WWP2: variants seen among roughly 807,000 people sequenced by gnomAD.
WWP2 encodes the protein NEDD4-like E3 ubiquitin-protein ligase WWP2.
Under a neutral mutation model 121.0 loss-of-function variants are expected in WWP2, and 57 were observed. That is an observed-to-expected ratio of 0.47 (90% CI 0.38 to 0.59). The LOEUF (loss-of-function observed/expected upper bound fraction) is 0.59. WWP2 is among the 20% of genes least tolerant of loss of function. The probability of loss-of-function intolerance (pLI) is 0.00; values close to 1 mark genes in which losing one functional copy is unlikely to be tolerated. For missense variants in WWP2, 962 were observed against 1,158.9 expected, an observed-to-expected ratio of 0.83 and a Z score of 2.47; for synonymous variants, 449 against 441.3, an observed-to-expected ratio of 1.02 and a Z score of -0.22.
At chr16:69,807,691 G>C (rs974865755) in intron 4 of WWP2, among the ~76,000 whole-genome samples, 4 of 149,078 alleles carry the variant, frequency 2.7e-5, no homozygotes, top group Non-Finnish European at 5.9e-5. Flanking sequence ...AGTAGCTTAT[G>C]TCTGTAATCC....
At chr16:69,886,394 C>T (rs2057924847) in intron 7 of WWP2, among the ~76,000 whole-genome samples, 1 of 151,784 alleles carries the variant, frequency 6.6e-6, no homozygotes, top group Non-Finnish European at 1.5e-5. Flanking sequence ...CTTTGAATTG[C>T]TTTGGAGATA....
intron 4 of WWP2, among the ~76,000 whole-genome samples, chr16:69,801,087 G>A (rs980271529): frequency 4.5e-4 from 66 of 147,770 alleles, no homozygotes; most frequent in African/African-American, 1.5e-3. Context: ...TACTCAGGAC[G>A]CTGAGACAGA....
intron 7 of WWP2, 36 bp from the exon 8 acceptor site, chr16:69,888,003 T>C: frequency 3.7e-6 from 6 of 1,608,354 alleles, no homozygotes; most frequent in Non-Finnish European, 5.1e-6. Context: ...TTCTCATTCT[T>C]AGTTGATCTT....
chr16:69,841,808 C>G lies in WWP2; in HGVS notation c.479-216C>G, dbSNP rs189736746. 8.5e-3 allele frequency among the ~76,000 whole-genome samples: 1,291 copies of G among 152,220 alleles called. 13 individuals are homozygous for G. The highest frequency in any genetic ancestry group is 0.082 in the Middle Eastern group (24 of 294). On this transcript the variant is annotated intron_variant, in intron 5 of 23. Transcript: ENST00000359154. The stretch of plus-strand genomic sequence containing the variant: ...TGTCTTGGAGAAGAGAAGCTGTTTC[C>G]AAGGTTTGAGCCCCACTGCTCCATG...
intron 2 of WWP2, among the ~76,000 whole-genome samples, chr16:69,789,971 G>A (rs896753154): frequency 2.0e-5 from 3 of 152,172 alleles, no homozygotes; most frequent in Non-Finnish European, 2.9e-5. Context: ...GGCTGGGTGC[G>A]GTGGCTCACG....
At chr16:69,867,822 G>A (rs1254068189) in intron 6 of WWP2, among the ~76,000 whole-genome samples, 1 of 152,220 alleles carries the variant, frequency 6.6e-6, no homozygotes, top group Non-Finnish European at 1.5e-5. Flanking sequence ...CCTGGGGGCT[G>A]TATAACTCGT....
intron 4 of WWP2, among the ~76,000 whole-genome samples, chr16:69,800,137 G>A (rs891627762): frequency 6.6e-6 from 1 of 151,526 alleles, no homozygotes; most frequent in Non-Finnish European, 1.5e-5. Flanking sequence ...CCTTTTAAGC[G>A]ATGGGCCACT....
chr16:69,912,067 A>G (rs1374529590), intron 9 of WWP2, among the ~76,000 whole-genome samples: 1 of 152,102 alleles, frequency 6.6e-6, no homozygotes, highest in Non-Finnish European at 1.5e-5. Context: ...AGGCAGGTGG[A>G]TCATGAAGTC....
At chr16:69,921,655 G>A (rs1251912799) in intron 10 of WWP2, among the ~76,000 whole-genome samples, 2 of 152,150 alleles carry the variant, frequency 1.3e-5, no homozygotes, top group African/African-American at 2.4e-5. Flanking sequence ...TCTTTTTGCC[G>A]TCTTGTGTCG....
intron 8 of WWP2, among the ~76,000 whole-genome samples, chr16:69,894,613 ATGTC>A (rs2058080317): frequency 6.6e-6 from 1 of 152,170 alleles, no homozygotes; most frequent in Non-Finnish European, 1.5e-5. Flanking sequence ...CAGGTTGCAA[ATGTC>A]TGTGAAAGAA....
At chr16:69,882,642 C>T (rs527663554) in intron 7 of WWP2, among the ~76,000 whole-genome samples, 18 of 152,102 alleles carry the variant, frequency 1.2e-4, no homozygotes, top group East Asian at 9.7e-4. Flanking sequence ...TTCCCTGGGC[C>T]GCAGGGGTCG....
intron 9 of WWP2, among the ~76,000 whole-genome samples, chr16:69,911,760 A>G (rs1372749009): frequency 6.6e-6 from 1 of 152,242 alleles, no homozygotes; most frequent in African/African-American, 2.4e-5. Context: ...AACCCACTAA[A>G]ATAGTAATAA....
At chr16:69,811,989 G>A (rs1018479234) in intron 4 of WWP2, among the ~76,000 whole-genome samples, 4 of 151,982 alleles carry the variant, frequency 2.6e-5, no homozygotes, top group Non-Finnish European at 4.4e-5. Flanking sequence ...GAAATTTCCC[G>A]TTTTTGCAGT....
At chr16:69,861,444 T>G (rs1289181827) in intron 6 of WWP2, among the ~76,000 whole-genome samples, 1 of 152,182 alleles carries the variant, frequency 6.6e-6, no homozygotes, top group Admixed American at 6.5e-5. Flanking sequence ...AGGAAATTGT[T>G]TGTCTTCCGG....
intron 16 of WWP2, chr16:69,933,076 C>CTG (rs1225631797): frequency 6.0e-6 from 3 of 502,892 alleles, no homozygotes; most frequent in South Asian, 1.5e-5. Context: ...TGGCCGCGCC[C>CTG]TGTGTGTGTC....
chr16:69,776,538 A>C (rs1003357810), intron 1 of WWP2, among the ~76,000 whole-genome samples: 2 of 152,172 alleles, frequency 1.3e-5, no homozygotes, highest in Admixed American at 6.5e-5. Context: ...CTTAACTTAT[A>C]ATGATAATAG....
At chr16:69,863,390 T>C (rs1338431552) in intron 6 of WWP2, among the ~76,000 whole-genome samples, 1 of 152,040 alleles carries the variant, frequency 6.6e-6, no homozygotes, top group Non-Finnish European at 1.5e-5. Context: ...CTGTAATCCT[T>C]GCACTTTGAG....
intron 4 of WWP2, chr16:69,838,856 G>T: frequency 1.0e-6 from 1 of 985,438 alleles, no homozygotes; most frequent in Non-Finnish European, 1.2e-6. Flanking sequence ...TTAAGGGAAG[G>T]TAGAGCGCTT....
intron 6 of WWP2, 96 bp from the exon 7 acceptor site, chr16:69,871,708 A>T: frequency 6.5e-7 from 1 of 1,537,192 alleles, no homozygotes; most frequent in Non-Finnish European, 8.8e-7. Flanking sequence ...TTTCCAATAA[A>T]TGGCAGGAGA....
Sources: allele counts gnomAD v4.1 joint callset (sites outside exome capture counted in the v4.1 genomes callset), GRCh38; gene constraint gnomAD v4.1.1; transcripts MANE v1.5; gene names NCBI Gene and HGNC (gene_info 2026-07-23, HGNC 2026-07-21).